The following MYH14 variants were observed in gnomAD, a reference collection of about 807,000 sequenced individuals.
The protein encoded by MYH14 is myosin heavy chain 14, also known as myosin-14.
MYH14 carries 123 observed loss-of-function variants against 255.5 expected under a neutral mutation model. The observed-to-expected ratio is 0.48, with a 90% CI of 0.42 to 0.56. The LOEUF (loss-of-function observed/expected upper bound fraction) is 0.56, where lower values mean the gene tolerates loss of function less well. Among genes scored for constraint, MYH14 ranks in the 20% least tolerant of loss-of-function variants. The pLI, the probability that MYH14 is intolerant of heterozygous loss-of-function variation, is 0.00. For missense variants in MYH14, 2,423 were observed against 2,802.3 expected (o/e 0.86, Z 3.06); for synonymous variants, 1,095 against 1,161.2 (o/e 0.94, Z 1.16).
intron 2 of MYH14, 115 bp from the exon 3 acceptor site, chr19:50,217,500 C>T: frequency 8.9e-7 from 1 of 1,125,268 alleles, no homozygotes; most frequent in South Asian, 1.2e-5. Flanking sequence ...ATGGTGTAGA[C>T]ATACCATGTG....
chr19:50,272,582 G>A lies in MYH14; in HGVS notation c.3318G>A (p.Lys1106=). Residue 1106 remains lysine (K), a synonymous_variant, in exon 27 of 43, where the codon AAG becomes AAA. Coordinates refer to ENST00000642316, the MANE Select transcript of MYH14 (RefSeq NM_001145809.2). ...CAGACCGCCTACGGAAGGAGGAGAA[G>A]GGTCGCCAGGAGCTGGAGAAGCTGA... ...DMEDRLRKEE[K]GRQELEKLKR... is the part of the protein sequence containing the mutation. 2 of 1,578,042 alleles carry A rather than the reference G, an allele frequency of 1.3e-6. No individual in the cohort carries two copies. Among genetic ancestry groups the A allele is most frequent in the East Asian group, 2.3e-5 (1 of 43,414 alleles).
intron 24 of MYH14, among the ~76,000 whole-genome samples, 165 bp from the exon 25 acceptor site, chr19:50,271,244 G>A (rs1182382985): frequency 6.6e-6 from 1 of 152,130 alleles, no homozygotes; most frequent in Non-Finnish European, 1.5e-5. Flanking sequence ...AATGAAATGG[G>A]AAAGCCAATA....
intron 19 of MYH14, among the ~76,000 whole-genome samples, chr19:50,259,617 G>A (rs1281524154): frequency 6.6e-6 from 1 of 152,200 alleles, no homozygotes; most frequent in East Asian, 1.9e-4. Context: ...GGTGGCTCAC[G>A]CCTGTAATCC....
chr19:50,205,230 A>T (rs1332669458), intron 1 of MYH14, among the ~76,000 whole-genome samples: 1 of 152,186 alleles, frequency 6.6e-6, no homozygotes, highest in Non-Finnish European at 1.5e-5. Context: ...CGGGGTTTGA[A>T]TCCCGGGAAT....
At chr19:50,256,430 G>A (rs770785333) in intron 17 of MYH14, among the ~76,000 whole-genome samples, 1 of 152,254 alleles carries the variant, frequency 6.6e-6, no homozygotes, top group Non-Finnish European at 1.5e-5. Flanking sequence ...GGAGTGCAGT[G>A]ACACAATCTT....
chr19:50,217,816 C>T lies in MYH14; in HGVS notation c.562+45C>T, dbSNP rs374906445. The T allele has an allele frequency of 7.6e-5, 122 of 1,599,650 alleles. 1 individual carries two copies. In the African/African-American group the frequency reaches 1.3e-3, roughly 18 times the overall value. ...GTAGGCCAGCGAGGCGGCTCTTCAA[C>T]GGGGGCCTGACCTGGGGCTGCCGGA... On this transcript the variant is annotated intron_variant, in intron 3 of 42. Coordinates refer to ENST00000642316, the MANE Select transcript of MYH14 (RefSeq NM_001145809.2).
intron 11 of MYH14, among the ~76,000 whole-genome samples, chr19:50,246,179 G>A (rs1309546029): frequency 1.5e-5 from 2 of 136,194 alleles, no homozygotes; most frequent in African/African-American, 2.8e-5. Context: ...ATGAAGTCTC[G>A]CCCAGACTGG....
intron 30 of MYH14, 48 bp downstream of exon 30, chr19:50,278,337 A>T: frequency 7.3e-7 from 1 of 1,378,146 alleles, no homozygotes; most frequent in East Asian, 2.6e-5. Context: ...GACCTTGGTG[A>T]CATGCCTGCC....
chr19:50,266,893 A>G lies in MYH14; in HGVS notation c.2711A>G (p.Gln904Arg). Residue 904 changes from glutamine (Q) to arginine (R), a missense_variant, in exon 23 of 43, where the codon CAG becomes CGG. By Grantham distance (43) the Gln-to-Arg change is conservative (BLOSUM62 1). This residue lies in a region of MYH14 where 1,513 missense variants were observed against 1,674.8 expected (regional missense o/e 0.90). Coordinates refer to ENST00000642316, the MANE Select transcript of MYH14 (RefSeq NM_001145809.2). The surrounding 1 kb of genome is among the most constrained non-coding windows in gnomAD (Gnocchi z 4.1). ...TCCACCTAGGTGAAGCCACTGCTGC[A>G]GGTGACGCGGCAGGATGAGGTGCTG... ...RLFTKVKPLLQVTRQDEVLQA... is the reference protein window; with the variant it reads ...RLFTKVKPLLRVTRQDEVLQA... The G allele has an allele frequency of 2.6e-6, 4 of 1,551,934 alleles. No individual in the cohort carries two copies. The highest frequency in any genetic ancestry group is 3.5e-6 in the Non-Finnish European group (4 of 1,147,088).
In MYH14 at chr19:50,249,159, G is replaced by A; in HGVS notation, c.1482+20G>A. 2 of 1,553,578 alleles carry A rather than the reference G, an allele frequency of 1.3e-6. No individual in the cohort carries two copies. The highest frequency in any genetic ancestry group is 1.2e-5 in the South Asian group (1 of 83,262). ...TTCCAGGTCCACCCTTGTGCTGGGA[G>A]GGGGATGCCAACTTCCTCACTCCGG... On this transcript the variant is annotated intron_variant, in intron 13 of 42. Coordinates refer to ENST00000642316, the MANE Select transcript of MYH14 (RefSeq NM_001145809.2).
At chr19:50,301,921 G>T (rs971464383) in intron 40 of MYH14, 52 bp downstream of exon 40, 2 of 1,430,768 alleles carry the variant, frequency 1.4e-6, no homozygotes. Flanking sequence ...ATTCTGGTTG[G>T]TGAGAGGAAG....
At chr19:50,286,290 G>C in intron 33 of MYH14, 192 bp from the exon 34 acceptor site, 1 of 586,086 alleles carries the variant, frequency 1.7e-6, no homozygotes, top group East Asian at 2.8e-5. Context: ...TGATCAGTTT[G>C]ATCCATTCAA....
intron 24 of MYH14, among the ~76,000 whole-genome samples, chr19:50,269,603 C>T (rs2035220335): frequency 6.6e-6 from 1 of 152,214 alleles, no homozygotes; most frequent in Non-Finnish European, 1.5e-5. Context: ...GCCGACATCA[C>T]ACCACAGACG....
chr19:50,278,855 G>A lies in MYH14; in HGVS notation c.4032+566G>A, dbSNP rs374366426. ...AACACAAAATTAGCCGGGCGTGATG[G>A]CGCATGCCTGTAATCCCAGCTACTC... On this transcript the variant is annotated intron_variant, in intron 30 of 42. Transcript: ENST00000642316. Among the ~76,000 whole-genome samples the A allele has an allele frequency of 3.3e-5, 5 of 151,502 alleles. No homozygotes were observed. The East Asian group carries it at 7.7e-4, about 23-fold the overall frequency.
chr19:50,226,816 C>T (rs2033129539), intron 7 of MYH14, 87 bp from the exon 8 acceptor site: 1 of 1,251,652 alleles, frequency 8.0e-7, no homozygotes, highest in Non-Finnish European at 1.2e-6. Flanking sequence ...GCTCTGGGAG[C>T]AGTGGGTGTG....
Position 50,250,831 on chromosome 19 carries a change from G to A in MYH14, c.1830+143G>A. 1 of 832,024 alleles carries A rather than the reference G, an allele frequency of 1.2e-6. No homozygotes were observed. The highest frequency in any genetic ancestry group is 1.8e-6 in the Non-Finnish European group (1 of 550,372). The allele number at this position is 832,024 out of a possible 1,614,324, so 51.5% of individuals were successfully genotyped here. ...AGAGCAGGGGCTAGGAGAGCCCAGG[G>A]AGGAGCAAGGATTCTGTCTGATGGG... On this transcript the variant is annotated intron_variant, in intron 15 of 42. Transcript: ENST00000642316. This position sits in a 1 kb window ranked among gnomAD's most constrained non-coding sequence, Gnocchi z 5.4.
At chr19:50,247,327 G>A (rs915655049) in intron 12 of MYH14, among the ~76,000 whole-genome samples, 11 of 151,994 alleles carry the variant, frequency 7.2e-5, no homozygotes, top group African/African-American at 2.7e-4. Context: ...TTATAGTAAG[G>A]AAATGGATAA....
chr19:50,229,660 A>G (rs2033277958), intron 8 of MYH14, among the ~76,000 whole-genome samples: 1 of 152,076 alleles, frequency 6.6e-6, no homozygotes. Context: ...ACAAAACAAA[A>G]CAAAACAAAC....
intron 19 of MYH14, 55 bp from the exon 20 acceptor site, chr19:50,260,591 C>A (rs1171494796): frequency 5.4e-6 from 7 of 1,299,186 alleles, no homozygotes; most frequent in Non-Finnish European, 7.8e-6. Flanking sequence ...GCAGCAGGCA[C>A]TAGGTGAGCG....
Sources: gnomAD v4.1 joint callset for allele counts (sites outside exome capture counted in the v4.1 genomes callset) on GRCh38, gnomAD v4.1.1 for gene constraint, gnomAD v4.1.1 regional missense constraint, Gnocchi (gnomAD v3.1) non-coding constraint, MANE v1.5 for transcripts, NCBI Gene and HGNC (gene_info 2026-07-23, HGNC 2026-07-21) for gene names.